SPTLC1: variants seen among roughly 807,000 people sequenced by gnomAD.
SPTLC1 encodes the protein serine palmitoyltransferase 1.
In SPTLC1, 55 loss-of-function variants were observed where a neutral mutation model predicts 68.9. That is an observed-to-expected ratio of 0.80 (90% CI 0.64 to 1.00). The LOEUF (loss-of-function observed/expected upper bound fraction) is 1.00. SPTLC1 is among the 50% of genes least tolerant of loss of function. The pLI is 0.00. For missense variants in SPTLC1, 449 were observed against 573.1 expected (o/e 0.78, Z 2.21); for synonymous variants, 197 against 201.6 (o/e 0.98, Z 0.19).
intron 8 of SPTLC1, 195 bp downstream of exon 8, chr9:92,055,210 A>G: frequency 1.0e-6 from 1 of 985,156 alleles, no homozygotes; most frequent in Non-Finnish European, 1.2e-6. Flanking sequence ...TGGGCAACAG[A>G]GCAGTCTTGA....
At chr9:92,080,799 C>G in intron 4 of SPTLC1, 71 bp downstream of exon 4, 1 of 1,301,302 alleles carries the variant, frequency 7.7e-7, no homozygotes, top group Non-Finnish European at 1.1e-6. Context: ...CCCAGCCTGC[C>G]TTTGTCTTTT....
intron 11 of SPTLC1, among the ~76,000 whole-genome samples, chr9:92,046,881 C>T (rs1032510697): frequency 2.6e-5 from 4 of 152,160 alleles, no homozygotes; most frequent in Non-Finnish European, 5.9e-5. Context: ...ACCAATGGAA[C>T]GTTTAGGCCC....
intron 3 of SPTLC1, among the ~76,000 whole-genome samples, chr9:92,096,369 C>T (rs1013780385): frequency 6.6e-6 from 1 of 152,060 alleles, no homozygotes; most frequent in Non-Finnish European, 1.5e-5. Context: ...CATTATTTCA[C>T]AATGTGTGTG....
At chr9:92,105,193 G>C in intron 3 of SPTLC1, 1 of 1,534,082 alleles carries the variant, frequency 6.5e-7, no homozygotes, top group Non-Finnish European at 8.7e-7. Flanking sequence ...CGGGGCCACC[G>C]CTGCAGCTGC....
chr9:92,108,993 C>T, intron 2 of SPTLC1, 159 bp from the exon 3 acceptor site: 1 of 1,147,628 alleles, frequency 8.7e-7, no homozygotes, highest in Non-Finnish European at 1.2e-6. Flanking sequence ...ATTAGTACGT[C>T]TTTGTTCGCA....
At chr9:92,068,442 C>T (rs1184016379) in intron 5 of SPTLC1, among the ~76,000 whole-genome samples, 1 of 152,228 alleles carries the variant, frequency 6.6e-6, no homozygotes, top group African/African-American at 2.4e-5. Flanking sequence ...ATTGAGGTCT[C>T]ACCAATGTTT....
At chr9:92,036,987 T>A (rs769948878) in intron 13 of SPTLC1, among the ~76,000 whole-genome samples, 1 of 152,250 alleles carries the variant, frequency 6.6e-6, no homozygotes, top group Non-Finnish European at 1.5e-5. Flanking sequence ...TAATCTGACA[T>A]GTTTCCTTAG....
intron 3 of SPTLC1, chr9:92,104,947 C>T: frequency 1.3e-6 from 2 of 1,534,388 alleles, no homozygotes; most frequent in African/African-American, 1.4e-5. Context: ...TTGGAGGCAT[C>T]CTTCCCTTTG....
At chr9:92,042,441 G>C (rs902889807) in intron 12 of SPTLC1, among the ~76,000 whole-genome samples, 10 of 152,134 alleles carry the variant, frequency 6.6e-5, no homozygotes, top group Non-Finnish European at 1.5e-4. Flanking sequence ...TCAGTTTAGA[G>C]AAAATAATAA....
chr9:92,073,951 T>C (rs556569730), intron 5 of SPTLC1, among the ~76,000 whole-genome samples: 1 of 152,156 alleles, frequency 6.6e-6, no homozygotes, highest in South Asian at 2.1e-4. Flanking sequence ...CGGGATTCCT[T>C]CTAAGCCATG....
intron 9 of SPTLC1, among the ~76,000 whole-genome samples, 187 bp from the exon 10 acceptor site, chr9:92,047,895 C>G (rs1237934063): frequency 6.6e-6 from 1 of 152,126 alleles, no homozygotes; most frequent in East Asian, 1.9e-4. Context: ...AGTCTCATGG[C>G]CCATCTGAAA....
chr9:92,075,861 C>G (rs1834666706), intron 5 of SPTLC1, among the ~76,000 whole-genome samples: 1 of 152,190 alleles, frequency 6.6e-6, no homozygotes, highest in African/African-American at 2.4e-5. Flanking sequence ...ACTACAAATC[C>G]TAATCCACAC....
At chr9:92,090,111 C>A (rs183668435) in intron 3 of SPTLC1, among the ~76,000 whole-genome samples, 375 of 152,100 alleles carry the variant, frequency 2.5e-3, no homozygotes, top group African/African-American at 8.3e-3. Context: ...AGAAGCTGCA[C>A]GGATAAAGAA....
chr9:92,084,146 G>C (rs1162383578), intron 3 of SPTLC1, among the ~76,000 whole-genome samples: 1 of 151,322 alleles, frequency 6.6e-6, no homozygotes, highest in Non-Finnish European at 1.5e-5. Context: ...TTTGGGCTGA[G>C]ACAATGGGGT....
chr9:92,056,428 C>T (rs1833893238), intron 7 of SPTLC1, among the ~76,000 whole-genome samples: 1 of 152,146 alleles, frequency 6.6e-6, no homozygotes, highest in African/African-American at 2.4e-5. Context: ...GGGGTTTCAC[C>T]ATGTTGGCCA....
chr9:92,072,958 C>A (rs988895933), intron 5 of SPTLC1, among the ~76,000 whole-genome samples: 6 of 151,840 alleles, frequency 4.0e-5, no homozygotes, highest in Non-Finnish European at 8.8e-5. Context: ...TTTCTCCCCC[C>A]AACCCACCTA....
chr9:92,062,009 A>C (rs925720571), intron 6 of SPTLC1, among the ~76,000 whole-genome samples: 3 of 152,206 alleles, frequency 2.0e-5, no homozygotes, highest in African/African-American at 7.2e-5. Flanking sequence ...ATTACATTAA[A>C]TGTAAATGTA....
chr9:92,078,047 G>A (rs2118662242), intron 5 of SPTLC1, among the ~76,000 whole-genome samples: 1 of 151,938 alleles, frequency 6.6e-6, no homozygotes, highest in South Asian at 2.1e-4. Flanking sequence ...AGCTGTCCCT[G>A]CCCTGCCAGC....
chr9:92,051,101 C>T, intron 8 of SPTLC1: 1 of 984,802 alleles, frequency 1.0e-6, no homozygotes, highest in Non-Finnish European at 1.2e-6. Flanking sequence ...TTCACTACCT[C>T]CCTCCCATTA....
Sources: allele counts gnomAD v4.1 joint callset (sites outside exome capture counted in the v4.1 genomes callset), GRCh38; gene constraint gnomAD v4.1.1; transcripts MANE v1.5; gene names NCBI Gene and HGNC (gene_info 2026-07-23, HGNC 2026-07-21).